The following BTBD8 variants were observed in gnomAD, a reference collection of about 807,000 sequenced individuals.
BTBD8 encodes the protein BTB/POZ domain-containing protein 8.
BTBD8 carries 110 observed loss-of-function variants against 162.9 expected under a neutral mutation model. The ratio of observed to expected loss-of-function variants is 0.68; its 90% CI spans 0.58 to 0.79. The LOEUF is 0.79. Ranked by LOEUF, BTBD8 falls within the 30% of genes least tolerant of loss-of-function variation. The pLI is 0.00. For missense variants in BTBD8, 1,905 were observed against 2,085.4 expected (o/e 0.91, Z 1.68); for synonymous variants, 667 against 716.1 (o/e 0.93, Z 1.10).
chr1:92,152,063 A>C (rs1167839008), intron 9 of BTBD8, among the ~76,000 whole-genome samples: 5 of 152,208 alleles, frequency 3.3e-5, no homozygotes, highest in Admixed American at 6.5e-5. Context: ...AGAATCAAAG[A>C]GTTAAGTGCC....
chr1:92,175,168 CGTTT>C (rs1373046167), intron 13 of BTBD8, among the ~76,000 whole-genome samples: 1 of 151,872 alleles, frequency 6.6e-6, no homozygotes, highest in African/African-American at 2.4e-5. Flanking sequence ...AAAAAAAAAC[CGTTT>C]GCATACTTAC....
intron 4 of BTBD8, among the ~76,000 whole-genome samples, chr1:92,117,337 G>GA (rs1649070402): frequency 1.6e-5 from 2 of 123,700 alleles, no homozygotes; most frequent in African/African-American, 6.1e-5. Context: ...TGTTTTTCTT[G>GA]AAAAAGATTA....
At chr1:92,163,886 A>C (rs1650325222) in intron 9 of BTBD8, among the ~76,000 whole-genome samples, 1 of 152,230 alleles carries the variant, frequency 6.6e-6, no homozygotes, top group South Asian at 2.1e-4. Context: ...AAATTATGAC[A>C]ATTATACTCT....
At chr1:92,090,087 A>C (rs1648258393) in intron 2 of BTBD8, among the ~76,000 whole-genome samples, 1 of 152,216 alleles carries the variant, frequency 6.6e-6, no homozygotes, top group Non-Finnish European at 1.5e-5. Flanking sequence ...TATGATGAAT[A>C]ATGCTGCTAT....
At chr1:92,099,141 G>C (rs1377633751) in intron 2 of BTBD8, among the ~76,000 whole-genome samples, 2 of 152,074 alleles carry the variant, frequency 1.3e-5, no homozygotes, top group African/African-American at 4.8e-5. Context: ...CACCATTTAT[G>C]GGGGAGACTG....
At chr1:92,114,147 A>C (rs1010723394) in intron 4 of BTBD8, among the ~76,000 whole-genome samples, 4 of 152,080 alleles carry the variant, frequency 2.6e-5, no homozygotes, top group Non-Finnish European at 5.9e-5. Flanking sequence ...GTTAAAAAAA[A>C]CACTTATTAT....
chr1:92,110,688 A>G (rs995242016), intron 4 of BTBD8, among the ~76,000 whole-genome samples: 3 of 152,000 alleles, frequency 2.0e-5, no homozygotes, highest in Admixed American at 6.6e-5. Flanking sequence ...GACTACAGGC[A>G]TCTGCCACCA....
chr1:92,128,921 T>A lies in BTBD8; in HGVS notation c.663-766T>A, dbSNP rs114377422. Among the ~76,000 whole-genome samples, 264 of 152,144 alleles carry A rather than the reference T, an allele frequency of 1.7e-3. 3 individuals are homozygous for A. Among genetic ancestry groups the A allele is most frequent in the African/African-American group, 5.8e-3 (241 of 41,524 alleles). On this transcript the variant is annotated intron_variant, in intron 4 of 17. Coordinates refer to ENST00000636805, the MANE Select transcript of BTBD8 (RefSeq NM_001376131.1). ...CATGGTAGGTTTTTTGTTTTTTGGT[T>A]TTTTTTTCATTGATTTGAAAAGGTT...
chr1:92,088,627 T>A (rs1222838541), intron 1 of BTBD8, 71 bp from the exon 2 acceptor site: 1 of 1,228,868 alleles, frequency 8.1e-7, no homozygotes, highest in Non-Finnish European at 1.1e-6. Flanking sequence ...ATTTTAAACC[T>A]ACTTTATAAA....
intron 9 of BTBD8, among the ~76,000 whole-genome samples, chr1:92,163,666 C>A (rs547392703): frequency 1.3e-5 from 2 of 151,850 alleles, no homozygotes; most frequent in Admixed American, 1.3e-4. Flanking sequence ...GGGACCCGAG[C>A]AGATTGCCCT....
chr1:92,083,533 G>T (rs750222895), intron 1 of BTBD8, among the ~76,000 whole-genome samples: 4 of 152,098 alleles, frequency 2.6e-5, no homozygotes, highest in Admixed American at 1.3e-4. Context: ...AATAAATTTG[G>T]TAGCTTTATT....
chr1:92,081,421 T>C (rs954944598), intron 1 of BTBD8, among the ~76,000 whole-genome samples: 2 of 152,226 alleles, frequency 1.3e-5, no homozygotes, highest in African/African-American at 4.8e-5. Flanking sequence ...AATTTACATT[T>C]CCAGCAAGAC....
rs1483124484 is a variant in BTBD8, at chr1:92,181,030, G to C, written c.3347G>C (p.Gly1116Ala). 4 of 1,551,622 alleles carry C rather than the reference G, an allele frequency of 2.6e-6. No homozygotes were observed. In the East Asian group the frequency reaches 9.8e-5, roughly 38 times the overall value. The change falls in exon 17 of 18, where the codon GGG (glycine) becomes GCG (alanine). Residue 1116 changes from glycine to alanine, a missense_variant. Transcript: ENST00000636805. Reference protein sequence around the residue: ...PVCDLDSTSAGQIHLISDREN... With the variant: ...PVCDLDSTSAAQIHLISDREN... ...TGTGATTTAGACTCAACAAGTGCAG[G>C]GCAAATCCATTTGATATCAGATAGG...
At chr1:92,157,997 T>C (rs919518597) in intron 9 of BTBD8, among the ~76,000 whole-genome samples, 1 of 152,252 alleles carries the variant, frequency 6.6e-6, no homozygotes, top group Non-Finnish European at 1.5e-5. Context: ...ACATAATGTC[T>C]GTGTCTCTTG....
At chr1:92,142,569 A>T (rs965280703) in intron 7 of BTBD8, among the ~76,000 whole-genome samples, 3 of 152,226 alleles carry the variant, frequency 2.0e-5, no homozygotes, top group Non-Finnish European at 4.4e-5. Flanking sequence ...AAGGAACTAC[A>T]GTTATTGTCA....
intron 13 of BTBD8, among the ~76,000 whole-genome samples, chr1:92,173,839 C>T (rs1650627960): frequency 6.6e-6 from 1 of 151,990 alleles, no homozygotes; most frequent in Non-Finnish European, 1.5e-5. Context: ...AGTAAGTGCT[C>T]AATAAATGTG....
At position 92,180,518 on chromosome 1, in the gene BTBD8, G is replaced by C. The variant is rs1353154250; in HGVS notation, c.2835G>C (p.Gln945His). 1.3e-6 allele frequency: 2 copies of C among 1,551,530 alleles called. No individual in the cohort carries two copies. The highest frequency in any genetic ancestry group is 1.7e-6 in the Non-Finnish European group (2 of 1,146,916). The change falls in exon 17 of 18, where the codon CAG becomes CAC. Residue 945 changes from glutamine (Q) to histidine (H), a missense_variant. Physicochemically the swap from Gln to His is conservative, Grantham distance 24. Around this residue, in one of 3 missense-constraint regions of BTBD8, gnomAD observed 1,374 missense variants for 1,442.7 expected, o/e 0.95. Transcript: ENST00000636805. ...CAAAACAGAAAATGCCTCCTGGACA[G>C]GTTATATCAAAAACTCAGCCTTCCT... is the stretch of plus-strand genomic sequence containing the variant. ...KDSKQKMPPG[Q>H]VISKTQPSSQ...
At chr1:92,100,050 A>G (rs768890744) in intron 2 of BTBD8, among the ~76,000 whole-genome samples, 7 of 152,060 alleles carry the variant, frequency 4.6e-5, no homozygotes, top group African/African-American at 1.7e-4. Context: ...AGTTTGTTGA[A>G]TGTTTTATCA....
chr1:92,082,726 G>A (rs1369856140), intron 1 of BTBD8, among the ~76,000 whole-genome samples: 1 of 152,164 alleles, frequency 6.6e-6, no homozygotes, highest in Non-Finnish European at 1.5e-5. Flanking sequence ...GAGGAAAAGT[G>A]GGAGACAGTT....
Sources: gnomAD v4.1 joint callset for allele counts (sites outside exome capture counted in the v4.1 genomes callset) on GRCh38, gnomAD v4.1.1 for gene constraint, gnomAD v4.1.1 regional missense constraint, MANE v1.5 for transcripts, NCBI Gene and HGNC (gene_info 2026-07-23, HGNC 2026-07-21) for gene names.